Variants in DISP1 observed in about 807,000 individuals in gnomAD.
The protein encoded by DISP1 is protein dispatched homolog 1.
Under a neutral mutation model 37.3 loss-of-function variants are expected in DISP1, and 30 were observed. That is an observed-to-expected ratio of 0.80 (90% CI 0.60 to 1.09). DISP1 has a LOEUF of 1.09. Ranked by LOEUF, DISP1 falls within the 50% of genes least tolerant of loss-of-function variation. The pLI, the probability that DISP1 is intolerant of heterozygous loss-of-function variation, is 0.00. For synonymous variants in DISP1, 634 were observed against 690.2 expected, an observed-to-expected ratio of 0.92 and a Z score of 1.28; for missense variants, 1,598 against 1,879.5, an observed-to-expected ratio of 0.85 and a Z score of 2.77.
chr1:222,851,374 A>AT (rs1668223879), intron 1 of DISP1, among the ~76,000 whole-genome samples: 1 of 152,052 alleles, frequency 6.6e-6, no homozygotes, highest in African/African-American at 2.4e-5. Context: ...CCGAATACAC[A>AT]TTTTTTAAAC....
intron 1 of DISP1, among the ~76,000 whole-genome samples, chr1:222,917,764 A>G (rs1672577542): frequency 6.6e-6 from 1 of 152,060 alleles, no homozygotes; most frequent in African/African-American, 2.4e-5. Flanking sequence ...TGGACTGTAA[A>G]TGTGCACTGG....
chr1:222,947,766 T>C (rs1372753425), intron 3 of DISP1, among the ~76,000 whole-genome samples: 3 of 151,992 alleles, frequency 2.0e-5, no homozygotes, highest in African/African-American at 4.8e-5. Context: ...TTATAAATTT[T>C]AAAGCAGAAA....
chr1:222,884,955 GC>G (rs1558311087), intron 1 of DISP1, among the ~76,000 whole-genome samples: 1 of 152,016 alleles, frequency 6.6e-6, no homozygotes, highest in African/African-American at 2.4e-5. Flanking sequence ...TCCTGCCTCA[GC>G]CCCCCGAGTA....
intron 1 of DISP1, among the ~76,000 whole-genome samples, chr1:222,845,269 C>T (rs527765302): frequency 1.3e-5 from 2 of 152,204 alleles, no homozygotes; most frequent in Admixed American, 1.3e-4. Context: ...ATTGTAAGTG[C>T]ATTCAAAATC....
chr1:222,910,636 C>T (rs2125421092), intron 1 of DISP1, among the ~76,000 whole-genome samples: 1 of 152,266 alleles, frequency 6.6e-6, no homozygotes, highest in Admixed American at 6.5e-5. Context: ...TTTAATTTAA[C>T]TACAAAAATA....
intron 3 of DISP1, among the ~76,000 whole-genome samples, chr1:222,980,505 T>A (rs1677755098): frequency 6.6e-6 from 1 of 152,120 alleles, no homozygotes; most frequent in African/African-American, 2.4e-5. Flanking sequence ...CTTGCTTTTT[T>A]AATTCATTGT....
chr1:222,862,065 G>C (rs1005113051), intron 1 of DISP1, among the ~76,000 whole-genome samples: 5 of 152,172 alleles, frequency 3.3e-5, no homozygotes, highest in African/African-American at 1.2e-4. Context: ...TCAAGGGTAG[G>C]AATCTGTGTT....
intron 1 of DISP1, among the ~76,000 whole-genome samples, chr1:222,919,009 A>G (rs1672656210): frequency 6.6e-6 from 1 of 152,202 alleles, no homozygotes; most frequent in Admixed American, 6.5e-5. Context: ...AGATGTGTGC[A>G]ACCACGGAAC....
At chr1:222,921,665 A>C (rs1672815301) in intron 1 of DISP1, among the ~76,000 whole-genome samples, 1 of 152,190 alleles carries the variant, frequency 6.6e-6, no homozygotes, top group South Asian at 2.1e-4. Flanking sequence ...GCTGAATATT[A>C]ATTTACAGAC....
chr1:222,936,777 TC>T (rs59949270), intron 2 of DISP1, among the ~76,000 whole-genome samples: 4 of 76,068 alleles, frequency 5.3e-5, no homozygotes, highest in African/African-American at 9.8e-5. Flanking sequence ...ATTATATATA[TC>T]ATATATAATA....
chr1:222,965,081 G>A (rs1676371739), intron 3 of DISP1, among the ~76,000 whole-genome samples: 1 of 151,886 alleles, frequency 6.6e-6, no homozygotes, highest in African/African-American at 2.4e-5. Flanking sequence ...CCCATACATG[G>A]GCAGTAGCAC....
At position 222,942,910 on chromosome 1, in the gene DISP1, C is replaced by T; in HGVS notation, c.87C>T (p.Thr29=). The T allele has an allele frequency of 6.2e-7, 1 of 1,614,110 alleles. No individual in the cohort carries two copies. Among genetic ancestry groups the T allele is most frequent in the Non-Finnish European group, 8.5e-7 (1 of 1,180,020 alleles). The change falls in exon 3 of 9, where the codon ACC becomes ACT. Residue 29 remains threonine, a synonymous_variant. Coordinates refer to ENST00000675850, the MANE Select transcript of DISP1 (RefSeq NM_001377229.1). The part of the protein sequence containing the change: ...ATSAANPSPL[T]PCDGDHAAQQ... ...GTGCTGCTAACCCGAGTCCCCTCAC[C>T]CCCTGTGATGGAGACCATGCAGCCC...
At chr1:222,917,752 C>T (rs1440794468) in intron 1 of DISP1, among the ~76,000 whole-genome samples, 4 of 152,088 alleles carry the variant, frequency 2.6e-5, no homozygotes, top group Non-Finnish European at 5.9e-5. Context: ...AGATTGCAAA[C>T]GTGGACTGTA....
intron 3 of DISP1, 125 bp downstream of exon 3, chr1:222,943,457 A>G (rs1674532893): frequency 7.5e-7 from 1 of 1,326,900 alleles, no homozygotes. Context: ...GAAAACGCAT[A>G]TTCTGTGGAT....
At position 222,832,306 on chromosome 1, in the gene DISP1, T is replaced by C. The variant is rs144501786; in HGVS notation, c.-159+17228T>C. Among the ~76,000 whole-genome samples the C allele has an allele frequency of 1.5e-3, 221 of 152,258 alleles. 1 individual carries two copies. The highest frequency in any genetic ancestry group is 5.1e-3 in the African/African-American group (213 of 41,548). ...TACTACTTGTTGGCTTAATGACCTT[T>C]TGTAAGTTTCTTAACCCTTTCAGAT... On this transcript the variant is annotated intron_variant, in intron 1 of 8. Transcript: ENST00000675850.
intron 1 of DISP1, among the ~76,000 whole-genome samples, chr1:222,818,783 C>T (rs1661935889): frequency 6.6e-6 from 1 of 152,194 alleles, no homozygotes; most frequent in Non-Finnish European, 1.5e-5. Flanking sequence ...ACATTAACTA[C>T]ATCTACAAAA....
chr1:222,848,647 A>T (rs1259777091), intron 1 of DISP1, among the ~76,000 whole-genome samples: 2 of 152,188 alleles, frequency 1.3e-5, no homozygotes, highest in Non-Finnish European at 2.9e-5. Flanking sequence ...TTTAACAAAT[A>T]CCTGTGCAGC....
chr1:222,913,081 T>C (rs936987939), intron 1 of DISP1, among the ~76,000 whole-genome samples: 25 of 152,108 alleles, frequency 1.6e-4, no homozygotes, highest in Non-Finnish European at 3.4e-4. Context: ...GACTTTAAAG[T>C]TTTGGAATAT....
At chr1:222,984,738 C>G (rs1401137747) in intron 4 of DISP1, among the ~76,000 whole-genome samples, 2 of 151,914 alleles carry the variant, frequency 1.3e-5, no homozygotes, top group Non-Finnish European at 2.9e-5. Flanking sequence ...ATTTCCAAAA[C>G]TTTTTTTCTG....
Sources: gnomAD v4.1 joint callset for allele counts (sites outside exome capture counted in the v4.1 genomes callset) on GRCh38, gnomAD v4.1.1 for gene constraint, MANE v1.5 for transcripts, NCBI Gene and HGNC (gene_info 2026-07-23, HGNC 2026-07-21) for gene names.